The following HACD2 variants were observed in gnomAD, a reference collection of about 807,000 sequenced individuals.
The protein encoded by HACD2 is very-long-chain (3R)-3-hydroxyacyl-CoA dehydratase 2.
Under a neutral mutation model 31.0 loss-of-function variants are expected in HACD2, and 15 were observed. The ratio of observed to expected loss-of-function variants is 0.48; its 90% CI spans 0.32 to 0.75. The LOEUF (loss-of-function observed/expected upper bound fraction) is 0.75, where lower values mean the gene tolerates loss of function less well. Among genes scored for constraint, HACD2 ranks in the 30% least tolerant of loss-of-function variants. The pLI is 0.03. For missense variants in HACD2, 283 were observed against 313.0 expected (o/e 0.90, Z 0.72); for synonymous variants, 115 against 122.2 (o/e 0.94, Z 0.39).
intron 3 of HACD2, among the ~76,000 whole-genome samples, chr3:123,533,900 T>G (rs532016894): frequency 6.6e-6 from 1 of 152,228 alleles, no homozygotes; most frequent in African/African-American, 2.4e-5. Context: ...TTCAGAAAGA[T>G]ATCTCTGTCA....
At chr3:123,497,014 C>T (rs2055841256) in intron 6 of HACD2, among the ~76,000 whole-genome samples, 1 of 152,224 alleles carries the variant, frequency 6.6e-6, no homozygotes, top group Non-Finnish European at 1.5e-5. Context: ...TTACATCTCC[C>T]AGAGATTCCT....
chr3:123,495,994 C>T (rs1451317249), intron 6 of HACD2, among the ~76,000 whole-genome samples: 1 of 152,150 alleles, frequency 6.6e-6, no homozygotes, highest in Non-Finnish European at 1.5e-5. Context: ...TATCCTTCCT[C>T]TCCTCATCTC....
intron 3 of HACD2, among the ~76,000 whole-genome samples, chr3:123,545,786 A>T (rs2056553295): frequency 6.7e-6 from 1 of 150,120 alleles, no homozygotes; most frequent in Non-Finnish European, 1.5e-5. Context: ...ATCTTAGCTC[A>T]CTGCAACCTC....
chr3:123,571,936 G>C (rs977913865), intron 2 of HACD2, among the ~76,000 whole-genome samples: 8 of 152,154 alleles, frequency 5.3e-5, no homozygotes, highest in African/African-American at 1.7e-4. Flanking sequence ...TATTTGTAGA[G>C]GGGTTGGCCT....
intron 2 of HACD2, among the ~76,000 whole-genome samples, chr3:123,569,330 CAAG>C (rs2056827854): frequency 1.3e-5 from 2 of 152,110 alleles, no homozygotes; most frequent in Non-Finnish European, 2.9e-5. Flanking sequence ...TTATTTGAAA[CAAG>C]AAGACAGATG....
At chr3:123,563,368 G>A (rs887123908) in intron 3 of HACD2, among the ~76,000 whole-genome samples, 3 of 152,204 alleles carry the variant, frequency 2.0e-5, no homozygotes, top group African/African-American at 7.2e-5. Context: ...GCACAGCGCA[G>A]ATGAGCATGG....
At chr3:123,505,722 A>G (rs1350794577) in intron 4 of HACD2, among the ~76,000 whole-genome samples, 2 of 152,244 alleles carry the variant, frequency 1.3e-5, no homozygotes, top group African/African-American at 2.4e-5. Context: ...AGTCTGCTAG[A>G]AGAACTCTTC....
chr3:123,539,251 G>A (rs999047837), intron 3 of HACD2, among the ~76,000 whole-genome samples: 1 of 152,146 alleles, frequency 6.6e-6, no homozygotes, highest in South Asian at 2.1e-4. Context: ...AAGAAAAGCT[G>A]AAAGAGCACT....
intron 2 of HACD2, among the ~76,000 whole-genome samples, chr3:123,568,716 A>AT (rs1199484937): frequency 6.6e-6 from 1 of 152,222 alleles, no homozygotes; most frequent in Non-Finnish European, 1.5e-5. Flanking sequence ...TATAAGATTG[A>AT]TTTAATGACC....
intron 3 of HACD2, among the ~76,000 whole-genome samples, chr3:123,563,142 T>C (rs2056752387): frequency 6.6e-6 from 1 of 152,200 alleles, no homozygotes. Context: ...TCTAAAAATA[T>C]TCAGTGGTAC....
At chr3:123,551,118 T>C (rs556279876) in intron 3 of HACD2, among the ~76,000 whole-genome samples, 4 of 152,278 alleles carry the variant, frequency 2.6e-5, no homozygotes, top group South Asian at 4.1e-4. Context: ...TTGTTTATCA[T>C]GGAAAAGGGT....
chr3:123,495,596 TAAAAA>T (rs57926133), intron 6 of HACD2, among the ~76,000 whole-genome samples: 455 of 147,494 alleles, frequency 3.1e-3, no homozygotes, highest in Non-Finnish European at 2.8e-3. Context: ...GTTTGGATGT[TAAAAA>T]AAAAAAAAAA....
intron 2 of HACD2, among the ~76,000 whole-genome samples, chr3:123,574,434 A>G (rs1173788842): frequency 6.6e-6 from 1 of 152,190 alleles, no homozygotes; most frequent in East Asian, 1.9e-4. Flanking sequence ...AAATTTAATC[A>G]GTCCATTTGT....
At chr3:123,497,028 T>C (rs1049590245) in intron 6 of HACD2, among the ~76,000 whole-genome samples, 1 of 152,210 alleles carries the variant, frequency 6.6e-6, no homozygotes, top group Non-Finnish European at 1.5e-5. Flanking sequence ...GATTCCTCAG[T>C]ACCCAGAGAA....
At chr3:123,537,472 G>C (rs1300061026) in intron 3 of HACD2, among the ~76,000 whole-genome samples, 2 of 151,808 alleles carry the variant, frequency 1.3e-5, no homozygotes, top group Non-Finnish European at 2.9e-5. Context: ...GGTTGAGGTG[G>C]GAGGAACGCT....
chr3:123,505,337 A>G (rs2055961384), intron 4 of HACD2, among the ~76,000 whole-genome samples: 1 of 152,202 alleles, frequency 6.6e-6, no homozygotes, highest in Non-Finnish European at 1.5e-5. Flanking sequence ...ATGGATGGTG[A>G]TGATGGTTGC....
At chr3:123,578,415 C>CA (rs1224972121) in intron 2 of HACD2, among the ~76,000 whole-genome samples, 1 of 152,056 alleles carries the variant, frequency 6.6e-6, no homozygotes, top group African/African-American at 2.4e-5. Context: ...GGACTACAGG[C>CA]ATGTGCTACC....
rs558092999 is a variant in HACD2 at position 123,555,975 on chromosome 3, G to A, written c.292+11787C>T. ...AATAGACTTTTCAACAAATCGTGCCGAACAACTGGATGACTATATGTAAAA... is the reference window on the plus strand; with the variant it reads ...AATAGACTTTTCAACAAATCGTGCCAAACAACTGGATGACTATATGTAAAA... On this transcript the variant is annotated intron_variant, in intron 3 of 6. Coordinates refer to ENST00000383657, the MANE Select transcript of HACD2 (RefSeq NM_198402.5). Among the ~76,000 whole-genome samples the A allele has an allele frequency of 3.3e-5, 5 of 152,188 alleles. No homozygotes were observed. In the South Asian group the frequency reaches 8.3e-4, roughly 25 times the overall value.
At chr3:123,577,821 A>G (rs2056923823) in intron 2 of HACD2, among the ~76,000 whole-genome samples, 1 of 152,184 alleles carries the variant, frequency 6.6e-6, no homozygotes, top group South Asian at 2.1e-4. Context: ...GACTCCAAAA[A>G]TGAATAAAGT....
Sources: gnomAD v4.1 joint callset for allele counts (sites outside exome capture counted in the v4.1 genomes callset) on GRCh38, gnomAD v4.1.1 for gene constraint, MANE v1.5 for transcripts, NCBI Gene and HGNC (gene_info 2026-07-23, HGNC 2026-07-21) for gene names.